Variants in TRDN observed in about 807,000 individuals in gnomAD.
The protein encoded by TRDN is triadin, also known as triadin in skeletal muscle.
Under a neutral mutation model 149.7 loss-of-function variants are expected in TRDN, and 161 were observed. The ratio of observed to expected loss-of-function variants is 1.08; its 90% CI spans 0.95 to 1.23. The LOEUF (loss-of-function observed/expected upper bound fraction) is 1.23, where lower values mean the gene tolerates loss of function less well. Ranked by LOEUF, TRDN falls within the 50% of genes most tolerant of loss-of-function variation. TRDN has a pLI of 0.00. For synonymous variants in TRDN, 294 were observed against 250.5 expected (o/e 1.17, Z -1.64); for missense variants, 896 against 823.5 (o/e 1.09, Z -1.08).
At chr6:123,494,922 C>T (rs1464158067) in intron 9 of TRDN, among the ~76,000 whole-genome samples, 2 of 151,884 alleles carry the variant, frequency 1.3e-5, no homozygotes, top group South Asian at 2.1e-4. Flanking sequence ...TTAGTAGAGA[C>T]GGGGTTTCAC....
At chr6:123,522,079 T>C (rs1277441217) in intron 5 of TRDN, among the ~76,000 whole-genome samples, 1 of 152,136 alleles carries the variant, frequency 6.6e-6, no homozygotes, top group African/African-American at 2.4e-5. Context: ...TCCCGCTGTC[T>C]AGCCCACTCT....
At chr6:123,471,489 G>A (rs1017657280) in intron 9 of TRDN, 4 of 151,924 alleles carry the variant, frequency 2.6e-5, no homozygotes, top group African/African-American at 9.7e-5. Flanking sequence ...TTTTAGAAAA[G>A]GTTTAAGCAA....
In TRDN at chr6:123,216,714, GAAAC is replaced by G. The variant is rs1774982167; in HGVS notation, c.*1883_*1886del. On this transcript the variant is annotated 3_prime_UTR_variant, in exon 41 of 41. Transcript: ENST00000334268. ...CCTATATCCCTATTTTACTCATGGA[GAAAC>G]AAACATAGTATGTTTAGTAAATTTT... 1 of 151,720 alleles carries G rather than the reference GAAAC, an allele frequency of 6.6e-6. No individual in the cohort carries two copies. The highest frequency in any genetic ancestry group is 6.6e-5 in the Admixed American group (1 of 15,198). The allele number at this position is 151,720 out of a possible 1,614,324, so 9.4% of individuals were successfully genotyped here.
chr6:123,573,267 T>G (rs1471463463), intron 1 of TRDN, among the ~76,000 whole-genome samples: 1 of 152,110 alleles, frequency 6.6e-6, no homozygotes, highest in Non-Finnish European at 1.5e-5. Flanking sequence ...AATTTGCAGG[T>G]GTGTGATGGT....
intron 4 of TRDN, among the ~76,000 whole-genome samples, chr6:123,541,556 G>C (rs1366888028): frequency 6.6e-6 from 1 of 152,018 alleles, no homozygotes; most frequent in African/African-American, 2.4e-5. Context: ...CCCCATCACA[G>C]GTCTGCTCCA....
At chr6:123,380,388 C>T (rs1781669537) in intron 16 of TRDN, among the ~76,000 whole-genome samples, 10 of 152,168 alleles carry the variant, frequency 6.6e-5, no homozygotes, top group Admixed American at 5.9e-4. Context: ...GCTGGTGCAG[C>T]GTTTATAGAG....
intron 12 of TRDN, chr6:123,437,396 T>TA (rs1774627610): frequency 8.7e-6 from 3 of 345,578 alleles, no homozygotes; most frequent in Non-Finnish European, 1.6e-5. Context: ...TTTTTTTTTT[T>TA]TTTTTTTTTT....
rs150437440 is a variant in TRDN at position 123,311,133 on chromosome 6, G to A, written c.1510+5324C>T. ...AAGAGGCTTAATTGACTCATAGTTCGCATGGCTGGGGAGACCTCAGGAAAC... is the reference window on the plus strand; with the variant it reads ...AAGAGGCTTAATTGACTCATAGTTCACATGGCTGGGGAGACCTCAGGAAAC... On this transcript the variant is annotated intron_variant, in intron 24 of 40. Coordinates refer to ENST00000334268, the MANE Select transcript of TRDN (RefSeq NM_006073.4). Among the ~76,000 whole-genome samples, 68 of 151,958 alleles carry A rather than the reference G, an allele frequency of 4.5e-4. No individual in the cohort carries two copies. In the South Asian group the frequency reaches 4.6e-3, roughly 10 times the overall value.
intron 12 of TRDN, among the ~76,000 whole-genome samples, chr6:123,395,516 T>C (rs929888825): frequency 7.9e-5 from 12 of 152,128 alleles, no homozygotes; most frequent in South Asian, 4.1e-4. Context: ...TGTGTGCACA[T>C]AGATTGGGCA....
At chr6:123,301,540 T>C (rs1222511587) in intron 24 of TRDN, among the ~76,000 whole-genome samples, 1 of 151,554 alleles carries the variant, frequency 6.6e-6, no homozygotes, top group East Asian at 1.9e-4. Flanking sequence ...AATTTATACA[T>C]GTATGTGAAT....
intron 21 of TRDN, among the ~76,000 whole-genome samples, chr6:123,344,960 G>A (rs1167599835): frequency 6.6e-6 from 1 of 151,940 alleles, no homozygotes. Flanking sequence ...TATTTTAATA[G>A]GTGTGTAGTG....
At chr6:123,585,211 G>A (rs1783398184) in intron 1 of TRDN, among the ~76,000 whole-genome samples, 1 of 150,538 alleles carries the variant, frequency 6.6e-6, no homozygotes, top group Non-Finnish European at 1.5e-5. Flanking sequence ...ATGAGATGTA[G>A]CTGTAATCCA....
intron 33 of TRDN, 105 bp from the exon 34 acceptor site, chr6:123,260,743 T>C (rs1307341477): frequency 1.1e-6 from 1 of 940,650 alleles, no homozygotes; most frequent in Non-Finnish European, 1.5e-6. Flanking sequence ...TATCTTCTGA[T>C]ATTTCTTCCT....
rs189355385 is a variant in TRDN at position 123,225,324 on chromosome 6, G to T, written c.1976-1193C>A. ...TGCCATTATAGAAAGCAGTATGGAG[G>T]TTCCTCAAAAATTTGTTTGTTTATT... On this transcript the variant is annotated intron_variant, in intron 38 of 40. Transcript: ENST00000334268. Among the ~76,000 whole-genome samples, 48 of 151,630 alleles carry T rather than the reference G, an allele frequency of 3.2e-4. 1 individual carries two copies. Among genetic ancestry groups the T allele is most frequent in the African/African-American group, 9.9e-4 (41 of 41,390 alleles).
At position 123,287,473 on chromosome 6, in the gene TRDN, CTGTT is replaced by C. The variant is rs1252158210; in HGVS notation, c.1511-8395_1511-8392del. On this transcript the variant is annotated intron_variant, in intron 24 of 40. Coordinates refer to ENST00000334268, the MANE Select transcript of TRDN (RefSeq NM_006073.4). ...GATGCATGTTGAAATTTGAGAACCA[CTGTT>C]TGATAACCGTAGTTGCTTTTTTTAA... Among the ~76,000 whole-genome samples the C allele has an allele frequency of 9.9e-5, 15 of 152,228 alleles. No individual in the cohort carries two copies. In the East Asian group the frequency reaches 2.9e-3, roughly 30 times the overall value.
chr6:123,587,403 A>G (rs1349170314), intron 1 of TRDN, among the ~76,000 whole-genome samples: 1 of 151,974 alleles, frequency 6.6e-6, no homozygotes, highest in Non-Finnish European at 1.5e-5. Flanking sequence ...GAAAGGAGAA[A>G]GTGGTTGAGG....
At chr6:123,419,374 T>G (rs553729232) in intron 12 of TRDN, among the ~76,000 whole-genome samples, 1 of 152,146 alleles carries the variant, frequency 6.6e-6, no homozygotes, top group Non-Finnish European at 1.5e-5. Context: ...CATAATTTTT[T>G]AAAATTTATT....
chr6:123,610,813 A>G (rs993087634), intron 1 of TRDN, among the ~76,000 whole-genome samples: 1 of 152,198 alleles, frequency 6.6e-6, no homozygotes, highest in Admixed American at 6.6e-5. Flanking sequence ...AAAGAAAAAA[A>G]CTGCATTAAG....
At chr6:123,269,735 A>G (rs1777141469) in intron 31 of TRDN, 114 bp downstream of exon 31, 4 of 977,680 alleles carry the variant, frequency 4.1e-6, no homozygotes, top group Non-Finnish European at 4.5e-6. Context: ...ATTAACAGTT[A>G]TTTAGACACA....
Sources: gnomAD v4.1 joint callset for allele counts (sites outside exome capture counted in the v4.1 genomes callset) on GRCh38, gnomAD v4.1.1 for gene constraint, MANE v1.5 for transcripts, NCBI Gene and HGNC (gene_info 2026-07-23, HGNC 2026-07-21) for gene names.